Variants in ELMOD1 observed in about 807,000 individuals in gnomAD.
The protein encoded by ELMOD1 is ELMO domain-containing protein 1.
Under a neutral mutation model 46.7 loss-of-function variants are expected in ELMOD1, and 21 were observed. The ratio of observed to expected loss-of-function variants is 0.45; its 90% CI spans 0.32 to 0.65. The LOEUF is 0.65. Among genes scored for constraint, ELMOD1 ranks in the 30% least tolerant of loss-of-function variants. ELMOD1 has a pLI of 0.04. For synonymous variants in ELMOD1, 122 were observed against 138.2 expected (o/e 0.88, Z 0.82); for missense variants, 348 against 407.8 (o/e 0.85, Z 1.26).
chr11:107,622,777 A>G (rs966664817), intron 2 of ELMOD1, among the ~76,000 whole-genome samples: 3 of 152,208 alleles, frequency 2.0e-5, no homozygotes, highest in East Asian at 1.9e-4. Context: ...CTTGTGAGAT[A>G]TAGAAGCTAA....
At chr11:107,639,459 A>G (rs1346354820) in intron 6 of ELMOD1, among the ~76,000 whole-genome samples, 1 of 152,194 alleles carries the variant, frequency 6.6e-6, no homozygotes, top group Non-Finnish European at 1.5e-5. Flanking sequence ...AGGTGGATTC[A>G]TGCACTTAAT....
chr11:107,648,186 T>C (rs745680903), intron 7 of ELMOD1, among the ~76,000 whole-genome samples: 5 of 119,958 alleles, frequency 4.2e-5, no homozygotes, highest in Non-Finnish European at 9.3e-5. Flanking sequence ...TGCACTTCCA[T>C]GTAAGATCTA....
At chr11:107,623,031 TTGTTACATA>T (rs1865977873) in intron 2 of ELMOD1, among the ~76,000 whole-genome samples, 5 of 152,340 alleles carry the variant, frequency 3.3e-5, no homozygotes, top group Admixed American at 3.3e-4. Flanking sequence ...ACGTGCAGGT[TTGTTACATA>T]TGTATACATG....
intron 1 of ELMOD1, among the ~76,000 whole-genome samples, chr11:107,594,641 T>C (rs1023504657): frequency 6.6e-6 from 1 of 152,234 alleles, no homozygotes; most frequent in Non-Finnish European, 1.5e-5. Flanking sequence ...TTTATTACAA[T>C]TATATAAAAG....
intron 6 of ELMOD1, among the ~76,000 whole-genome samples, chr11:107,640,002 A>G (rs1441748533): frequency 6.6e-6 from 1 of 152,058 alleles, no homozygotes; most frequent in Non-Finnish European, 1.5e-5. Flanking sequence ...AGGCTATTTT[A>G]TTTTATGCAT....
intron 10 of ELMOD1, among the ~76,000 whole-genome samples, chr11:107,655,256 T>C (rs76433684): frequency 0.019 from 2,934 of 152,314 alleles, 103 homozygotes; most frequent in African/African-American, 0.067. Flanking sequence ...TAGTATATTA[T>C]ATGAGATTAC....
intron 1 of ELMOD1, among the ~76,000 whole-genome samples, chr11:107,604,071 A>G (rs887232991): frequency 2.7e-5 from 4 of 150,726 alleles, no homozygotes; most frequent in African/African-American, 9.9e-5. Context: ...AGTAGAGCAT[A>G]CGCTGCCTTC....
rs957600343 is a variant in ELMOD1, at chr11:107,647,779, T to C, written c.554+178T>C. On this transcript the variant is annotated intron_variant, in intron 7 of 11. Coordinates refer to ENST00000265840, the MANE Select transcript of ELMOD1 (RefSeq NM_018712.4). ...TTAAAAGTGTCTGCTACCTTCCTTGTATTTCAGCAAACTTCAGGGATTTTT... is the reference window on the plus strand; with the variant it reads ...TTAAAAGTGTCTGCTACCTTCCTTGCATTTCAGCAAACTTCAGGGATTTTT... 2.0e-5 allele frequency among the ~76,000 whole-genome samples: 3 copies of C among 152,362 alleles called. No individual in the cohort carries two copies. In the South Asian group the frequency reaches 6.2e-4, roughly 32 times the overall value.
intron 6 of ELMOD1, among the ~76,000 whole-genome samples, chr11:107,636,761 A>G (rs1866236206): frequency 6.6e-6 from 1 of 152,162 alleles, no homozygotes; most frequent in Non-Finnish European, 1.5e-5. Context: ...AAAATTAAAG[A>G]TGCCTCATTC....
At chr11:107,596,817 T>G (rs905755093) in intron 1 of ELMOD1, among the ~76,000 whole-genome samples, 1 of 152,166 alleles carries the variant, frequency 6.6e-6, no homozygotes, top group Non-Finnish European at 1.5e-5. Context: ...TAGTTTTTAC[T>G]TCACTAAAGA....
intron 6 of ELMOD1, among the ~76,000 whole-genome samples, chr11:107,640,355 C>CA (rs1157750191): frequency 1.3e-5 from 2 of 152,160 alleles, no homozygotes; most frequent in African/African-American, 4.8e-5. Flanking sequence ...CATTGGTTTA[C>CA]AATACCATTA....
intron 6 of ELMOD1, 136 bp downstream of exon 6, chr11:107,635,901 G>T: frequency 1.2e-6 from 1 of 860,204 alleles, no homozygotes; most frequent in East Asian, 3.2e-5. Context: ...TGGTTGGTAA[G>T]GTCAAGTTTT....
At chr11:107,592,390 C>T (rs550280780) in intron 1 of ELMOD1, 8 of 534,398 alleles carry the variant, frequency 1.5e-5, no homozygotes, top group Non-Finnish European at 2.3e-5. Context: ...TTTGGAGAGA[C>T]CAATTTTGGG....
At chr11:107,647,096 A>G (rs1235866653) in intron 6 of ELMOD1, among the ~76,000 whole-genome samples, 1 of 152,166 alleles carries the variant, frequency 6.6e-6, no homozygotes, top group Non-Finnish European at 1.5e-5. Context: ...ATCACAACAC[A>G]TTATGCATCC....
intron 1 of ELMOD1, among the ~76,000 whole-genome samples, chr11:107,610,461 C>G (rs1039865651): frequency 1.3e-5 from 2 of 151,864 alleles, no homozygotes; most frequent in African/African-American, 4.8e-5. Flanking sequence ...GCCGGGAGTT[C>G]GAGACCAGCC....
chr11:107,644,386 A>G (rs1265952840), intron 6 of ELMOD1, among the ~76,000 whole-genome samples: 1 of 152,156 alleles, frequency 6.6e-6, no homozygotes, highest in Non-Finnish European at 1.5e-5. Context: ...CCCAATGAGT[A>G]AGGTTTGTCA....
intron 10 of ELMOD1, among the ~76,000 whole-genome samples, chr11:107,654,565 C>T (rs1235783248): frequency 6.6e-6 from 1 of 151,558 alleles, no homozygotes; most frequent in East Asian, 1.9e-4. Flanking sequence ...GTCAGGAGAT[C>T]GAGACCATCC....
Position 107,604,226 on chromosome 11 carries a change from C to T in ELMOD1, c.-86+12817C>T, listed in dbSNP as rs543638429. ...TACAGTGTATGTATGGATACATACA[C>T]TGGAGGGACTGTGATAGGGCAAGGG... On this transcript the variant is annotated intron_variant, in intron 1 of 11. Coordinates refer to ENST00000265840, the MANE Select transcript of ELMOD1 (RefSeq NM_018712.4). Among the ~76,000 whole-genome samples the T allele has an allele frequency of 5.3e-5, 8 of 152,242 alleles. No individual in the cohort carries two copies. The South Asian group carries it at 1.2e-3, about 24-fold the overall frequency.
intron 6 of ELMOD1, among the ~76,000 whole-genome samples, chr11:107,645,237 C>T (rs1449444704): frequency 6.6e-6 from 1 of 150,634 alleles, no homozygotes; most frequent in East Asian, 2.0e-4. Flanking sequence ...GTGCCCGGCC[C>T]TCTAAAGGAT....
Sources: gnomAD v4.1 joint callset for allele counts (sites outside exome capture counted in the v4.1 genomes callset) on GRCh38, gnomAD v4.1.1 for gene constraint, MANE v1.5 for transcripts, NCBI Gene and HGNC (gene_info 2026-07-23, HGNC 2026-07-21) for gene names.